Variants in KLHL12 observed in about 807,000 individuals in gnomAD.
The protein encoded by KLHL12 is kelch like family member 12.
In KLHL12, 17 loss-of-function variants were observed where a neutral mutation model predicts 60.8. The observed-to-expected ratio is 0.28, with a 90% CI of 0.19 to 0.42. The LOEUF (loss-of-function observed/expected upper bound fraction) is 0.42. KLHL12 is among the 10% of genes least tolerant of loss of function. The probability of loss-of-function intolerance (pLI) is 1.00; values close to 1 mark genes in which losing one functional copy is unlikely to be tolerated. For synonymous variants in KLHL12, 220 were observed against 250.9 expected (o/e 0.88, Z 1.16); for missense variants, 468 against 722.3 (o/e 0.65, Z 4.04).
At chr1:202,914,155 C>T (rs1437319755) in intron 4 of KLHL12, among the ~76,000 whole-genome samples, 1 of 152,192 alleles carries the variant, frequency 6.6e-6, no homozygotes, top group Non-Finnish European at 1.5e-5. Context: ...CTCAGAGCAA[C>T]TTGAAATCAT....
rs930123464 is a variant in KLHL12 at position 202,909,931 on chromosome 1, T to TA, written c.718-808dup. Among the ~76,000 whole-genome samples the TA allele has an allele frequency of 2.4e-4, 36 of 152,088 alleles. 1 individual carries two copies. Among genetic ancestry groups the TA allele is most frequent in the Admixed American group, 3.9e-4 (6 of 15,270 alleles). On this transcript the variant is annotated intron_variant, in intron 5 of 11. Transcript: ENST00000367261. The surrounding 1 kb of genome is among the most constrained non-coding windows in gnomAD (Gnocchi z 4.1). ...GCGCCTTTGTAAACAGCTTCTTTAT[T>TA]AAAAAAAACTCTTCTAAAATTGTCC...
intron 4 of KLHL12, chr1:202,911,852 G>C (rs917537607): frequency 3.7e-6 from 3 of 820,702 alleles, no homozygotes; most frequent in Non-Finnish European, 6.4e-6. Flanking sequence ...AAACAGCTGA[G>C]GAAGCTCTTC....
intron 1 of KLHL12, among the ~76,000 whole-genome samples, chr1:202,925,557 GTTATA>G (rs961369220): frequency 1.9e-4 from 29 of 152,198 alleles, no homozygotes; most frequent in African/African-American, 6.5e-4. Flanking sequence ...TCTTAAAGGT[GTTATA>G]TTATTACTAT....
At chr1:202,928,419 C>T, upstream of KLHL12, 17 of 1,005,638 alleles carry the variant, frequency 1.7e-5, no homozygotes, top group South Asian at 2.3e-4. Context: ...CTAGGCAGGG[C>T]AGGCAGAGAG....
intron 2 of KLHL12, among the ~76,000 whole-genome samples, chr1:202,922,843 A>C (rs1660739861): frequency 1.3e-5 from 2 of 152,000 alleles, no homozygotes; most frequent in African/African-American, 4.8e-5. Context: ...CATTCTTATT[A>C]AAGTATTTCA....
intron 4 of KLHL12, among the ~76,000 whole-genome samples, chr1:202,914,450 T>C (rs1320182210): frequency 1.3e-5 from 2 of 152,188 alleles, no homozygotes; most frequent in African/African-American, 4.8e-5. Flanking sequence ...TTTTATATGA[T>C]TGGAAAATAG....
chr1:202,907,492 C>G (rs1660230552), intron 6 of KLHL12, among the ~76,000 whole-genome samples: 1 of 151,250 alleles, frequency 6.6e-6, no homozygotes, highest in African/African-American at 2.4e-5. Context: ...GTCCCAGCTA[C>G]TCGGGAGTCT....
Position 202,894,233 on chromosome 1 carries a change from AG to A in KLHL12, c.1343del (p.Pro448LeufsTer21). 6.4e-7 allele frequency: 1 copy of A among 1,558,348 alleles called. No homozygotes were observed. Among genetic ancestry groups the A allele is most frequent in the Non-Finnish European group, 8.7e-7 (1 of 1,149,870 alleles). ...TAACATTAGTCCAATGTCCTGTATG[AG>A]GGTCGTATTTCTCAACTGAATTTAA... ...NILNSVEKYD[P>X]HTGHWTNVTP... On this transcript the variant is annotated frameshift_variant, in exon 10 of 12. Coordinates refer to ENST00000367261, the MANE Select transcript of KLHL12 (RefSeq NM_021633.4). LOFTEE classifies it high-confidence loss of function.
At position 202,909,160 on chromosome 1, in the gene KLHL12, G is replaced by A. The variant is rs747562954; in HGVS notation, c.718-36C>T. 6.9e-6 allele frequency: 9 copies of A among 1,308,014 alleles called. No individual in the cohort carries two copies. In the African/African-American group the frequency reaches 8.7e-5, roughly 13 times the overall value. The allele number at this position is 1,308,014 out of a possible 1,614,324, so 81.0% of individuals were successfully genotyped here. A position where few individuals can be genotyped will look rare whatever the true frequency, so the allele number is the denominator to read the frequency against. The stretch of plus-strand genomic sequence containing the variant: ...GCAGACAGCAGAGTTAGGCACTGGG[G>A]ATACCTGTAATACTATAAGAGTACA... On this transcript the variant is annotated intron_variant, in intron 5 of 11. Coordinates refer to ENST00000367261, the MANE Select transcript of KLHL12 (RefSeq NM_021633.4). This position sits in a 1 kb window ranked among gnomAD's most constrained non-coding sequence, Gnocchi z 4.1.
chr1:202,914,809 G>C (rs1660471434), intron 4 of KLHL12: 1 of 151,056 alleles, frequency 6.6e-6, no homozygotes. Flanking sequence ...AGATTGCGGT[G>C]AGCCGAGATC....
At chr1:202,913,613 T>C (rs986513198) in intron 4 of KLHL12, among the ~76,000 whole-genome samples, 3 of 152,160 alleles carry the variant, frequency 2.0e-5, no homozygotes, top group African/African-American at 7.2e-5. Context: ...TATTATTGCA[T>C]ACTACATAGG....
chr1:202,893,912 ATATT>A lies in KLHL12; in HGVS notation c.1393+268_1393+271del, dbSNP rs1361385614. On this transcript the variant is annotated intron_variant, in intron 10 of 11. Transcript: ENST00000367261. The surrounding 1 kb of genome is among the most constrained non-coding windows in gnomAD (Gnocchi z 4.1). ...ATGCATTAGAGACTTTATTTAACAG[ATATT>A]TATTAAGCATGTACTACACAGGCAA... 6.6e-6 allele frequency among the ~76,000 whole-genome samples: 1 copy of A among 152,222 alleles called. No individual in the cohort carries two copies. Among genetic ancestry groups the A allele is most frequent in the Non-Finnish European group, 1.5e-5 (1 of 68,046 alleles).
At chr1:202,903,640 T>TTTTTTTTTTTTTTTTTTAAA (rs57537438) in intron 6 of KLHL12, among the ~76,000 whole-genome samples, 1 of 139,786 alleles carries the variant, frequency 7.2e-6, no homozygotes, top group Admixed American at 7.5e-5. Context: ...TTTTTTTTTT[T>TTTTTTTTTTTTTTTTTTAAA]GAAACGGCGT....
In KLHL12 at chr1:202,925,432, TA is replaced by T. The variant is rs574308981; in HGVS notation, c.-45-226del. 5.3e-3 allele frequency among the ~76,000 whole-genome samples: 813 copies of T among 152,316 alleles called. 10 individuals are homozygous for T. Among genetic ancestry groups the T allele is most frequent in the African/African-American group, 0.019 (777 of 41,564 alleles). On this transcript the variant is annotated intron_variant, in intron 1 of 11. Transcript: ENST00000367261. ...GAATTCCTCTATCACGGAGTGTCCC[TA>T]CCACTTGACATTTAATATGATCAAT... is the stretch of plus-strand genomic sequence containing the variant.
intron 6 of KLHL12, among the ~76,000 whole-genome samples, chr1:202,898,504 C>G (rs1659908869): frequency 6.6e-6 from 1 of 152,150 alleles, no homozygotes; most frequent in Non-Finnish European, 1.5e-5. Context: ...TGAGTGCTTC[C>G]TAATGGTGAT....
intron 6 of KLHL12, among the ~76,000 whole-genome samples, chr1:202,901,821 T>G (rs1660017067): frequency 6.6e-6 from 1 of 152,204 alleles, no homozygotes; most frequent in African/African-American, 2.4e-5. Context: ...GGATATAATT[T>G]TAGTTAAATC....
chr1:202,917,187 T>G (rs1034283392), intron 4 of KLHL12, among the ~76,000 whole-genome samples: 5 of 152,120 alleles, frequency 3.3e-5, no homozygotes, highest in Non-Finnish European at 7.4e-5. Flanking sequence ...CTGGCACAGG[T>G]AGTATCCCCC....
Position 202,914,588 on chromosome 1 carries a change from C to T in KLHL12, c.568-3385G>A, listed in dbSNP as rs183168544. 1.1e-3 allele frequency among the ~76,000 whole-genome samples: 163 copies of T among 152,204 alleles called. 1 individual carries two copies. The highest frequency in any genetic ancestry group is 9.6e-3 in the Admixed American group (146 of 15,276). On this transcript the variant is annotated intron_variant, in intron 4 of 11. Transcript: ENST00000367261. ...GCGTTTTTAAGACTAATCAAATGGG[C>T]TGGGCGTGGTGGCTCACGCCTGTAA...
chr1:202,892,534 C>A lies in KLHL12; in HGVS notation c.1706G>T (p.Ter569LeuextTer17). The A allele has an allele frequency of 6.2e-7, 1 of 1,613,386 alleles. No homozygotes were observed. The highest frequency in any genetic ancestry group is 1.1e-5 in the South Asian group (1 of 91,026). ...DAGVCVLREK[*>L] ...CTCTGGATGGTGCTCCAACAATGGTCACTTCTCGCGGAGAACACAAACACC... is the reference window on the plus strand; with the variant it reads ...CTCTGGATGGTGCTCCAACAATGGTAACTTCTCGCGGAGAACACAAACACC... Residue 569 changes from the stop codon to leucine (L), a stop_lost, in exon 12 of 12, where the codon TGA becomes TTA. Coordinates refer to ENST00000367261, the MANE Select transcript of KLHL12 (RefSeq NM_021633.4).
Sources: gnomAD v4.1 joint callset for allele counts (sites outside exome capture counted in the v4.1 genomes callset) on GRCh38, gnomAD v4.1.1 for gene constraint, Gnocchi (gnomAD v3.1) non-coding constraint, MANE v1.5 for transcripts, NCBI Gene and HGNC (gene_info 2026-07-23, HGNC 2026-07-21) for gene names.